DPF3: variants seen among roughly 807,000 people sequenced by gnomAD.
The protein encoded by DPF3 is double PHD fingers 3.
DPF3 carries 18 observed loss-of-function variants against 56.8 expected under a neutral mutation model. The ratio of observed to expected loss-of-function variants is 0.32; its 90% CI spans 0.22 to 0.47. The LOEUF (loss-of-function observed/expected upper bound fraction) is 0.47. Ranked by LOEUF, DPF3 falls within the 20% of genes least tolerant of loss-of-function variation. The pLI is 1.00. For synonymous variants in DPF3, 188 were observed against 180.2 expected, an observed-to-expected ratio of 1.04 and a Z score of -0.35; for missense variants, 403 against 488.8, an observed-to-expected ratio of 0.82 and a Z score of 1.65.
chr14:72,843,106 T>C (rs1440984887), intron 1 of DPF3, among the ~76,000 whole-genome samples: 2 of 152,170 alleles, frequency 1.3e-5, no homozygotes, highest in Admixed American at 6.5e-5. Flanking sequence ...TTATTTGTCA[T>C]GTATCATTCC....
chr14:72,639,060 G>A (rs1885468971), intron 8 of DPF3, among the ~76,000 whole-genome samples: 1 of 152,160 alleles, frequency 6.6e-6, no homozygotes, highest in South Asian at 2.1e-4. Context: ...CTTGCGATCT[G>A]CCTGCCTTGG....
intron 8 of DPF3, among the ~76,000 whole-genome samples, chr14:72,652,259 G>T (rs964250290): frequency 6.6e-6 from 1 of 152,148 alleles, no homozygotes; most frequent in Admixed American, 6.5e-5. Flanking sequence ...CAAGACAGAG[G>T]GCCCTTCCCC....
intron 1 of DPF3, among the ~76,000 whole-genome samples, chr14:72,864,073 C>T (rs1171521630): frequency 1.3e-5 from 2 of 152,160 alleles, no homozygotes; most frequent in Non-Finnish European, 2.9e-5. Flanking sequence ...AGTCTGGCAT[C>T]CTCCTCTGGT....
intron 1 of DPF3, among the ~76,000 whole-genome samples, chr14:72,794,562 C>T (rs568159882): frequency 9.9e-5 from 15 of 152,150 alleles, no homozygotes; most frequent in Non-Finnish European, 1.5e-4. Flanking sequence ...TCACAGCACA[C>T]ATCCTCCCAG....
chr14:72,772,785 A>G (rs1247552101), intron 1 of DPF3, among the ~76,000 whole-genome samples: 5 of 152,236 alleles, frequency 3.3e-5, no homozygotes, highest in African/African-American at 1.2e-4. Flanking sequence ...TCAAATACCT[A>G]CCAAATAAAA....
In DPF3 at chr14:72,750,341, T is replaced by C. The variant is rs574279182; in HGVS notation, c.301+2923A>G. On this transcript the variant is annotated intron_variant, in intron 3 of 10. Coordinates refer to ENST00000556509, the MANE Select transcript of DPF3 (RefSeq NM_001280542.3). ...TAGTGATATCTAAGGTATCGTATAG[T>C]GCTAAAAGTCTTTGCTTCTATAAAA... 9.1e-4 allele frequency among the ~76,000 whole-genome samples: 139 copies of C among 152,294 alleles called. 1 individual carries two copies. The highest frequency in any genetic ancestry group is 3.4e-3 in the Middle Eastern group (1 of 294).
intron 1 of DPF3, among the ~76,000 whole-genome samples, chr14:72,812,746 A>G (rs754088404): frequency 2.0e-5 from 3 of 152,122 alleles, no homozygotes; most frequent in Non-Finnish European, 4.4e-5. Context: ...AGCAGTGTGC[A>G]ATGCGTCCGG....
chr14:72,659,473 C>T (rs1284451949), intron 8 of DPF3, among the ~76,000 whole-genome samples: 2 of 152,156 alleles, frequency 1.3e-5, no homozygotes, highest in East Asian at 1.9e-4. Flanking sequence ...CTATTATGGA[C>T]ATTTGATCAT....
chr14:72,829,519 G>T (rs913451777), intron 1 of DPF3, among the ~76,000 whole-genome samples: 3 of 151,696 alleles, frequency 2.0e-5, no homozygotes, highest in Non-Finnish European at 4.4e-5. Flanking sequence ...CAAGTAGCTG[G>T]GATTACAGGT....
At chr14:72,675,177 A>T (rs1886856235) in intron 7 of DPF3, among the ~76,000 whole-genome samples, 1 of 152,252 alleles carries the variant, frequency 6.6e-6, no homozygotes, top group African/African-American at 2.4e-5. Flanking sequence ...AAACAAAAGC[A>T]AAGAAAAATC....
At chr14:72,823,866 T>G (rs1883666600) in intron 1 of DPF3, among the ~76,000 whole-genome samples, 1 of 152,208 alleles carries the variant, frequency 6.6e-6, no homozygotes, top group Non-Finnish European at 1.5e-5. Flanking sequence ...AGGGAGAGGC[T>G]GATCTATGCT....
At chr14:72,717,577 G>T (rs1049702888) in intron 5 of DPF3, among the ~76,000 whole-genome samples, 1 of 152,190 alleles carries the variant, frequency 6.6e-6, no homozygotes, top group South Asian at 2.1e-4. Context: ...AGGTCCTTGA[G>T]GGCAAAAATG....
rs1036077906 is a variant in DPF3, at chr14:72,610,682, C to T, written c.*8615G>A. 5.3e-5 allele frequency among the ~76,000 whole-genome samples: 8 copies of T among 152,168 alleles called. No homozygotes were observed. The highest frequency in any genetic ancestry group is 2.9e-5 in the Non-Finnish European group (2 of 68,030). On this transcript the variant is annotated 3_prime_UTR_variant, in exon 11 of 11. Transcript: ENST00000556509. Reference sequence around the variant, plus strand: ...AGGCCAGGAAGGCGCCTGATGAGACCGTGTTCTCAGCCTGAGAGCGCGCTC... The same window carrying T: ...AGGCCAGGAAGGCGCCTGATGAGACTGTGTTCTCAGCCTGAGAGCGCGCTC...
chr14:72,624,966 T>G (rs1221962429), intron 9 of DPF3, among the ~76,000 whole-genome samples: 1 of 152,244 alleles, frequency 6.6e-6, no homozygotes, highest in Non-Finnish European at 1.5e-5. Flanking sequence ...GATTATATAG[T>G]TAAGGTAGTG....
chr14:72,619,493 G>T, intron 10 of DPF3, 126 bp from the exon 11 acceptor site: 1 of 1,058,060 alleles, frequency 9.5e-7, no homozygotes, highest in Non-Finnish European at 1.4e-6. Flanking sequence ...CAAGTCCCAG[G>T]CCTGAAAACG....
chr14:72,641,290 G>T (rs1885557717), intron 8 of DPF3, among the ~76,000 whole-genome samples: 1 of 152,194 alleles, frequency 6.6e-6, no homozygotes, highest in Non-Finnish European at 1.5e-5. Context: ...GCTTTGTCCA[G>T]CACTCTCAAG....
intron 9 of DPF3, among the ~76,000 whole-genome samples, chr14:72,629,161 G>C (rs61996615): frequency 0.046 from 6,989 of 152,242 alleles, 198 homozygotes; most frequent in Middle Eastern, 0.1. Context: ...TTATCCTTTT[G>C]AGATACATAT....
At chr14:72,888,904 C>G (rs1333295849) in intron 1 of DPF3, among the ~76,000 whole-genome samples, 1 of 152,192 alleles carries the variant, frequency 6.6e-6, no homozygotes, top group Non-Finnish European at 1.5e-5. Flanking sequence ...CAGCCCCCAT[C>G]GCCACTACTG....
At chr14:72,754,829 A>G (rs1415904533) in intron 2 of DPF3, among the ~76,000 whole-genome samples, 3 of 152,232 alleles carry the variant, frequency 2.0e-5, no homozygotes, top group Non-Finnish European at 4.4e-5. Flanking sequence ...GCATTAAAGG[A>G]ACCAAAATAC....
Sources: allele counts gnomAD v4.1 joint callset (sites outside exome capture counted in the v4.1 genomes callset), GRCh38; gene constraint gnomAD v4.1.1; transcripts MANE v1.5; gene names NCBI Gene and HGNC (gene_info 2026-07-23, HGNC 2026-07-21).